RALYL: variants seen among roughly 807,000 people sequenced by gnomAD.
RALYL encodes the protein RNA-binding Raly-like protein.
RALYL carries 29 observed loss-of-function variants against 35.1 expected under a neutral mutation model. The ratio of observed to expected loss-of-function variants is 0.83; its 90% CI spans 0.61 to 1.13. RALYL has a LOEUF of 1.13. Ranked by LOEUF, RALYL falls within the 50% of genes most tolerant of loss-of-function variation. RALYL has a pLI of 0.00. For missense variants in RALYL, 359 were observed against 360.4 expected (o/e 1.00, Z 0.03); for synonymous variants, 120 against 127.6 (o/e 0.94, Z 0.40).
At chr8:84,192,909 G>C (rs1024557258) in intron 1 of RALYL, among the ~76,000 whole-genome samples, 3 of 146,624 alleles carry the variant, frequency 2.0e-5, no homozygotes, top group Admixed American at 6.8e-5. Context: ...GTGTGTGTGG[G>C]GGGGGGGGTT....
At chr8:84,722,617 T>TATATA (rs1554546342) in intron 2 of RALYL, among the ~76,000 whole-genome samples, 2,463 of 96,408 alleles carry the variant, frequency 0.026, 76 homozygotes, top group African/African-American at 0.044. Flanking sequence ...TAGAGTGATT[T>TATATA]TATATATATA....
intron 1 of RALYL, among the ~76,000 whole-genome samples, chr8:84,330,177 T>G (rs1846549360): frequency 6.6e-6 from 1 of 151,932 alleles, no homozygotes; most frequent in South Asian, 2.1e-4. Flanking sequence ...AAAAGCACAG[T>G]GTCGTATTTA....
chr8:84,849,903 C>T lies in RALYL; in HGVS notation c.366-77C>T, dbSNP rs1835476448. On this transcript the variant is annotated intron_variant, in intron 4 of 8. Transcript: ENST00000521268. Reference sequence around the variant, plus strand: ...TATTTTAAAAGTAACAAATTTTATGCTATAACATCATAAGTTAATAATAAA... The same window carrying T: ...TATTTTAAAAGTAACAAATTTTATGTTATAACATCATAAGTTAATAATAAA... 4.0e-6 allele frequency: 3 copies of T among 746,390 alleles called. No individual in the cohort carries two copies. The African/African-American group carries it at 5.6e-5, about 14-fold the overall frequency. 46.2% of individuals were successfully genotyped at this position (746,390 alleles called of 1,614,324 possible). A position where few individuals can be genotyped will look rare whatever the true frequency, so the allele number is the denominator to read the frequency against.
intron 1 of RALYL, among the ~76,000 whole-genome samples, chr8:84,411,438 T>TC (rs1183661876): frequency 6.6e-6 from 1 of 151,862 alleles, no homozygotes; most frequent in Non-Finnish European, 1.5e-5. Flanking sequence ...CTATTCCCTC[T>TC]CCCTTTAACC....
intron 2 of RALYL, among the ~76,000 whole-genome samples, chr8:84,741,048 C>T (rs182492586): frequency 5.9e-5 from 9 of 151,840 alleles, no homozygotes; most frequent in African/African-American, 2.2e-4. Context: ...TATTGGAGGG[C>T]CAGAAGAAAA....
At chr8:84,886,626 A>C (rs1446947623) in intron 7 of RALYL, among the ~76,000 whole-genome samples, 1 of 152,186 alleles carries the variant, frequency 6.6e-6, no homozygotes, top group Non-Finnish European at 1.5e-5. Context: ...ACAATGATCT[A>C]ATTTATCGGA....
At chr8:84,434,510 G>A (rs763383076) in intron 1 of RALYL, among the ~76,000 whole-genome samples, 1 of 152,036 alleles carries the variant, frequency 6.6e-6, no homozygotes, top group African/African-American at 2.4e-5. Context: ...ATGTATACAG[G>A]TACCAGAACA....
intron 2 of RALYL, among the ~76,000 whole-genome samples, chr8:84,704,914 G>T (rs755660785): frequency 7.9e-5 from 12 of 152,144 alleles, no homozygotes; most frequent in Non-Finnish European, 1.8e-4. Flanking sequence ...ACTTAAAAAA[G>T]AATAACTTTG....
intron 2 of RALYL, among the ~76,000 whole-genome samples, chr8:84,676,577 G>A (rs945887365): frequency 2.6e-5 from 4 of 152,052 alleles, no homozygotes; most frequent in Admixed American, 2.6e-4. Flanking sequence ...TAGTGTGATC[G>A]TGCTTAATAG....
intron 2 of RALYL, among the ~76,000 whole-genome samples, chr8:84,669,923 G>A (rs985662117): frequency 2.6e-5 from 4 of 152,088 alleles, no homozygotes; most frequent in Non-Finnish European, 5.9e-5. Flanking sequence ...CAAACTACAA[G>A]TGCGCATTTC....
intron 4 of RALYL, among the ~76,000 whole-genome samples, chr8:84,830,248 A>G (rs1480567826): frequency 6.6e-6 from 1 of 152,202 alleles, no homozygotes; most frequent in Non-Finnish European, 1.5e-5. Flanking sequence ...TTAGGAGGTC[A>G]CAAACAAATT....
chr8:84,881,779 A>G (rs1256972839), intron 7 of RALYL, among the ~76,000 whole-genome samples: 2 of 151,966 alleles, frequency 1.3e-5, no homozygotes, highest in African/African-American at 2.4e-5. Flanking sequence ...TAACTAGAAC[A>G]TGTGCCCCTA....
intron 1 of RALYL, among the ~76,000 whole-genome samples, chr8:84,430,281 G>T (rs1309494980): frequency 1.3e-5 from 2 of 152,064 alleles, no homozygotes; most frequent in Non-Finnish European, 2.9e-5. Context: ...GGACTCCAAA[G>T]CATATATTTT....
In RALYL at chr8:84,441,489, T is replaced by G. The variant is rs2048325725; in HGVS notation, c.-23-87810T>G. ...TCATAACAATAAAGTGGAAGAAAGCTTTGAAAGGTCAGATTTAGAGATTGA... is the reference window on the plus strand; with the variant it reads ...TCATAACAATAAAGTGGAAGAAAGCGTTGAAAGGTCAGATTTAGAGATTGA... On this transcript the variant is annotated intron_variant, in intron 1 of 8. Transcript: ENST00000521268. Among the ~76,000 whole-genome samples, 2 of 152,138 alleles carry G rather than the reference T, an allele frequency of 1.3e-5. 1 individual carries two copies. Among genetic ancestry groups the G allele is most frequent in the South Asian group, 4.1e-4 (2 of 4,832 alleles).
chr8:84,907,199 G>A (rs767847363), intron 8 of RALYL, among the ~76,000 whole-genome samples: 16 of 152,016 alleles, frequency 1.1e-4, no homozygotes, highest in Non-Finnish European at 2.1e-4. Flanking sequence ...GCTATTTAAA[G>A]CTGTGTGAAT....
At chr8:84,360,173 A>T (rs1844853) in intron 1 of RALYL, among the ~76,000 whole-genome samples, 57,261 of 152,074 alleles carry the variant, frequency 0.38, 11,535 homozygotes, top group East Asian at 0.51. Context: ...ATACCTGGCC[A>T]TGCGTTCATT....
intron 1 of RALYL, among the ~76,000 whole-genome samples, chr8:84,521,376 A>T (rs711049): frequency 0.96 from 146,190 of 152,334 alleles, 70,190 homozygotes; most frequent in East Asian, 1. Flanking sequence ...TGGCATTTTT[A>T]AAAATGGTAA....
At chr8:84,534,623 A>G (rs1171630346) in intron 2 of RALYL, among the ~76,000 whole-genome samples, 1 of 152,148 alleles carries the variant, frequency 6.6e-6, no homozygotes, top group Admixed American at 6.5e-5. Context: ...GGAGGAATGG[A>G]TGGACTTGGC....
intron 1 of RALYL, among the ~76,000 whole-genome samples, chr8:84,232,150 G>A (rs1003480711): frequency 6.6e-6 from 1 of 152,238 alleles, no homozygotes; most frequent in South Asian, 2.1e-4. Context: ...AAATTTGGGT[G>A]ACTTACCAAC....
Sources: gnomAD v4.1 joint callset for allele counts (sites outside exome capture counted in the v4.1 genomes callset) on GRCh38, gnomAD v4.1.1 for gene constraint, MANE v1.5 for transcripts, NCBI Gene and HGNC (gene_info 2026-07-23, HGNC 2026-07-21) for gene names.